PARD3: variants seen among roughly 807,000 people sequenced by gnomAD.
PARD3 encodes the protein partitioning defective 3 homolog.
PARD3 carries 75 observed loss-of-function variants against 155.4 expected under a neutral mutation model. That is an observed-to-expected ratio of 0.48 (90% confidence interval 0.40 to 0.58). PARD3 has a LOEUF of 0.58. Ranked by LOEUF, PARD3 falls within the 20% of genes least tolerant of loss-of-function variation. The pLI, the probability that PARD3 is intolerant of heterozygous loss-of-function variation, is 0.00. For missense variants in PARD3, 1,642 were observed against 1,721.7 expected, an observed-to-expected ratio of 0.95 and a Z score of 0.82; for synonymous variants, 576 against 610.5, an observed-to-expected ratio of 0.94 and a Z score of 0.83.
chr10:34,577,910 G>T (rs1403157551), intron 2 of PARD3, among the ~76,000 whole-genome samples: 1 of 151,816 alleles, frequency 6.6e-6, no homozygotes, highest in Non-Finnish European at 1.5e-5. Context: ...GGAGGGCAGG[G>T]GCACAATCAG....
chr10:34,344,559 G>A (rs902798833), intron 15 of PARD3: 1 of 981,166 alleles, frequency 1.0e-6, no homozygotes, highest in Non-Finnish European at 1.2e-6. Context: ...TGGGATTACA[G>A]GCATAAGCCA....
intron 2 of PARD3, among the ~76,000 whole-genome samples, chr10:34,589,640 A>G (rs1383217301): frequency 1.3e-5 from 2 of 148,216 alleles, no homozygotes; most frequent in African/African-American, 5.0e-5. Context: ...CATGTCCAAA[A>G]AAAAAAAAAA....
Position 34,360,043 on chromosome 10 carries a change from G to A in PARD3, c.1896+28C>T, listed in dbSNP as rs753285680. The A allele has an allele frequency of 2.2e-5, 34 of 1,560,182 alleles. No homozygotes were observed. The Admixed American group carries it at 2.9e-4, about 13-fold the overall frequency. ...TTGAAATTAAAATTTTTGTTAATAG[G>A]CATACGCATGATAAAGTTGACACTC... is the stretch of plus-strand genomic sequence containing the variant. On this transcript the variant is annotated intron_variant, in intron 13 of 24. Transcript: ENST00000374788.
At chr10:34,783,810 AT>A (rs943431950) in intron 1 of PARD3, among the ~76,000 whole-genome samples, 14 of 151,100 alleles carry the variant, frequency 9.3e-5, no homozygotes, top group Non-Finnish European at 1.8e-4. Context: ...CACTTAGTGC[AT>A]TTTTTTTTCT....
At chr10:34,476,692 C>T (rs1460975216) in intron 3 of PARD3, among the ~76,000 whole-genome samples, 3 of 152,076 alleles carry the variant, frequency 2.0e-5, no homozygotes, top group Non-Finnish European at 4.4e-5. Flanking sequence ...TGATCATCCA[C>T]CAAACCTCAT....
chr10:34,494,078 T>C (rs1355896144), intron 3 of PARD3, among the ~76,000 whole-genome samples: 1 of 152,174 alleles, frequency 6.6e-6, no homozygotes, highest in African/African-American at 2.4e-5. Flanking sequence ...AACACAGCAG[T>C]GGATCTAGAG....
chr10:34,559,040 T>C (rs1200544385), intron 2 of PARD3, among the ~76,000 whole-genome samples: 3 of 148,648 alleles, frequency 2.0e-5, no homozygotes, highest in African/African-American at 7.9e-5. Context: ...AAAACTCATT[T>C]TTCCCCCCCA....
intron 5 of PARD3, among the ~76,000 whole-genome samples, chr10:34,406,180 G>A (rs529788820): frequency 1.3e-5 from 2 of 152,232 alleles, no homozygotes; most frequent in African/African-American, 4.8e-5. Context: ...TCTGAATAGC[G>A]ATATTAAATT....
intron 2 of PARD3, among the ~76,000 whole-genome samples, chr10:34,610,097 A>T (rs545214457): frequency 6.6e-6 from 1 of 152,324 alleles, no homozygotes; most frequent in African/African-American, 2.4e-5. Context: ...ATTCATCCAC[A>T]TCTACTCTAA....
intron 22 of PARD3, among the ~76,000 whole-genome samples, chr10:34,244,150 T>G (rs1405563048): frequency 1.3e-5 from 2 of 152,214 alleles, no homozygotes; most frequent in Admixed American, 1.3e-4. Context: ...CTGTTTCTAT[T>G]GCACCTCAAC....
At chr10:34,383,490 C>G (rs1842057857) in intron 8 of PARD3, among the ~76,000 whole-genome samples, 2 of 152,236 alleles carry the variant, frequency 1.3e-5, no homozygotes, top group Middle Eastern at 3.4e-3. Flanking sequence ...GCAATCCAGG[C>G]TCAATAATTC....
chr10:34,618,522 A>G (rs2091419516), intron 2 of PARD3, among the ~76,000 whole-genome samples: 1 of 152,198 alleles, frequency 6.6e-6, no homozygotes, highest in African/African-American at 2.4e-5. Context: ...CTCCAAAAAC[A>G]AAGTAATAGC....
At chr10:34,702,395 A>C (rs1039824792) in intron 1 of PARD3, among the ~76,000 whole-genome samples, 3 of 152,004 alleles carry the variant, frequency 2.0e-5, no homozygotes, top group Non-Finnish European at 2.9e-5. Flanking sequence ...AATAAATGTA[A>C]AAGATGGGAG....
chr10:34,630,219 A>G (rs1199216119), intron 2 of PARD3, among the ~76,000 whole-genome samples: 3 of 152,218 alleles, frequency 2.0e-5, no homozygotes, highest in Non-Finnish European at 2.9e-5. Context: ...CTTGATCACC[A>G]AAACTGGAAA....
intron 7 of PARD3, among the ~76,000 whole-genome samples, chr10:34,390,606 G>A (rs894210308): frequency 1.3e-5 from 2 of 152,036 alleles, no homozygotes; most frequent in African/African-American, 2.4e-5. Flanking sequence ...AAAAAATACT[G>A]AGCAAGGTAT....
chr10:34,534,777 G>A (rs564950551), intron 2 of PARD3, among the ~76,000 whole-genome samples: 16 of 152,252 alleles, frequency 1.1e-4, no homozygotes, highest in African/African-American at 3.1e-4. Flanking sequence ...TTGGGAGGCC[G>A]AGGTTGGGGG....
At chr10:34,260,785 T>G (rs1379645353) in intron 22 of PARD3, among the ~76,000 whole-genome samples, 1 of 152,204 alleles carries the variant, frequency 6.6e-6, no homozygotes, top group Non-Finnish European at 1.5e-5. Flanking sequence ...GGTATTTGAC[T>G]TTTTCAGTAG....
At chr10:34,749,898 T>C (rs1419247488) in intron 1 of PARD3, among the ~76,000 whole-genome samples, 3 of 152,106 alleles carry the variant, frequency 2.0e-5, no homozygotes, top group Non-Finnish European at 4.4e-5. Flanking sequence ...GGTGTGCGCC[T>C]GTGGTCCCAG....
chr10:34,759,972 G>A (rs572958929), intron 1 of PARD3, among the ~76,000 whole-genome samples: 2 of 152,230 alleles, frequency 1.3e-5, no homozygotes, highest in East Asian at 1.9e-4. Flanking sequence ...TCCTTTATTC[G>A]TATTTGCACA....
Sources: gnomAD v4.1 joint callset for allele counts (sites outside exome capture counted in the v4.1 genomes callset) on GRCh38, gnomAD v4.1.1 for gene constraint, MANE v1.5 for transcripts, NCBI Gene and HGNC (gene_info 2026-07-23, HGNC 2026-07-21) for gene names.